The following CATSPERE variants were observed in gnomAD, a reference collection of about 807,000 sequenced individuals.
The protein encoded by CATSPERE is catsper channel auxiliary subunit epsilon.
A neutral mutation model predicts 114.1 loss-of-function variants in CATSPERE; 93 were observed. That is an observed-to-expected ratio of 0.81 (90% CI 0.69 to 0.97). CATSPERE has a LOEUF of 0.97. Among genes scored for constraint, CATSPERE ranks in the 50% least tolerant of loss-of-function variants. The pLI is 0.00. For synonymous variants in CATSPERE, 341 were observed against 384.1 expected, an observed-to-expected ratio of 0.89 and a Z score of 1.31; for missense variants, 1,058 against 1,131.6, an observed-to-expected ratio of 0.93 and a Z score of 0.93.
At chr1:244,534,629 T>G (rs1224897841) in intron 8 of CATSPERE, among the ~76,000 whole-genome samples, 1 of 2,200 alleles carries the variant, frequency 4.5e-4, no homozygotes, top group Non-Finnish European at 0.014. Flanking sequence ...TACTTCAATC[T>G]CTTTTTTTAA....
chr1:244,572,549 C>T lies in CATSPERE; in HGVS notation c.1727C>T (p.Ala576Val), dbSNP rs1664619194. ...TTACATCTGGAAGCACAAAGTATAG[C>T]TTTCACAACAAAAGACAAATGCCCA... ...YPLHLEAQSI[A>V]FTTKDKCPYM... Residue 576 changes from alanine (A) to valine (V), a missense_variant, in exon 11 of 22, where the codon GCT becomes GTT. Ala to Val is a moderately conservative substitution (Grantham distance 64, BLOSUM62 0). Transcript: ENST00000366534. 21 of 1,614,020 alleles carry T rather than the reference C, an allele frequency of 1.3e-5. No homozygotes were observed. Among genetic ancestry groups the T allele is most frequent in the Non-Finnish European group, 1.8e-5 (21 of 1,179,894 alleles).
intron 17 of CATSPERE, among the ~76,000 whole-genome samples, chr1:244,600,994 A>G (rs553400975): frequency 2.6e-5 from 4 of 152,384 alleles, no homozygotes; most frequent in African/African-American, 9.6e-5. Flanking sequence ...CAATCTGAAT[A>G]ATATAGAAAA....
chr1:244,528,041 G>T (rs1409175005), intron 8 of CATSPERE, among the ~76,000 whole-genome samples: 1 of 152,198 alleles, frequency 6.6e-6, no homozygotes, highest in Non-Finnish European at 1.5e-5. Flanking sequence ...TTGCTGCACA[G>T]ATCATCCCAT....
At chr1:244,564,829 T>C (rs764369584) in intron 10 of CATSPERE, among the ~76,000 whole-genome samples, 1 of 152,242 alleles carries the variant, frequency 6.6e-6, no homozygotes, top group Non-Finnish European at 1.5e-5. Context: ...TTGTGCCAGT[T>C]TTCAGAGGGA....
intron 13 of CATSPERE, 53 bp downstream of exon 13, chr1:244,583,992 G>A (rs6429489): frequency 0.13 from 192,796 of 1,482,360 alleles, 17,764 homozygotes; most frequent in African/African-American, 0.37. Context: ...ATGTATAGGC[G>A]GTCAACCAAA....
chr1:244,567,398 G>T (rs899649759), intron 10 of CATSPERE, among the ~76,000 whole-genome samples: 1 of 152,138 alleles, frequency 6.6e-6, no homozygotes, highest in African/African-American at 2.4e-5. Flanking sequence ...GGCCTGTCTT[G>T]TTAGGTTGGG....
chr1:244,606,901 A>G (rs1457483311), intron 18 of CATSPERE, among the ~76,000 whole-genome samples: 4 of 151,826 alleles, frequency 2.6e-5, no homozygotes, highest in Non-Finnish European at 5.9e-5. Context: ...CGTGACTGGC[A>G]ATTGTCTTTC....
chr1:244,630,987 T>C (rs370347251), intron 20 of CATSPERE, among the ~76,000 whole-genome samples: 1 of 152,320 alleles, frequency 6.6e-6, no homozygotes, highest in East Asian at 1.9e-4. Context: ...CTTAGGGTAT[T>C]GCTTATATAA....
At chr1:244,534,458 CT>C (rs1188912692) in intron 8 of CATSPERE, among the ~76,000 whole-genome samples, 95 of 152,072 alleles carry the variant, frequency 6.2e-4, no homozygotes, top group African/African-American at 2.2e-3. Context: ...CTTTTCTATT[CT>C]TTTTTCTATT....
At chr1:244,536,609 C>G (rs1680425581) in intron 8 of CATSPERE, among the ~76,000 whole-genome samples, 1 of 152,210 alleles carries the variant, frequency 6.6e-6, no homozygotes, top group African/African-American at 2.4e-5. Flanking sequence ...GATTCGTTGT[C>G]TGCACTATGC....
In CATSPERE at chr1:244,492,109, C is replaced by T. The variant is rs1433156451; in HGVS notation, c.351+1638C>T. On this transcript the variant is annotated intron_variant, in intron 6 of 21. Coordinates refer to ENST00000366534, the MANE Select transcript of CATSPERE (RefSeq NM_001130957.2). ...ACTCATTTTATGAGGCCAGCATCAT[C>T]CTGATACCAAAGCCTGGCAGAGACA... 8.1e-4 allele frequency among the ~76,000 whole-genome samples: 121 copies of T among 149,324 alleles called. 1 individual carries two copies. The highest frequency in any genetic ancestry group is 6.6e-3 in the Admixed American group (99 of 14,904).
intron 8 of CATSPERE, among the ~76,000 whole-genome samples, chr1:244,537,380 T>G (rs771495845): frequency 2.0e-5 from 3 of 152,226 alleles, no homozygotes; most frequent in Non-Finnish European, 4.4e-5. Context: ...TCTCATTTAG[T>G]CATGGTGTGC....
At chr1:244,525,245 A>T (rs1250650757) in intron 8 of CATSPERE, among the ~76,000 whole-genome samples, 1 of 149,858 alleles carries the variant, frequency 6.7e-6, no homozygotes, top group Non-Finnish European at 1.5e-5. Flanking sequence ...AAGAACAAAA[A>T]ACCAAACACT....
chr1:244,491,670 A>C (rs1246584091), intron 6 of CATSPERE, among the ~76,000 whole-genome samples: 1 of 152,182 alleles, frequency 6.6e-6, no homozygotes, highest in African/African-American at 2.4e-5. Context: ...TTTTTTGAAA[A>C]GACCAACAAA....
At chr1:244,560,461 A>G (rs552513030) in intron 9 of CATSPERE, among the ~76,000 whole-genome samples, 1 of 152,232 alleles carries the variant, frequency 6.6e-6, no homozygotes, top group Non-Finnish European at 1.5e-5. Context: ...CATTGGGTAC[A>G]GTGTACACTG....
At chr1:244,557,582 TAAA>T (rs1322096175) in intron 9 of CATSPERE, among the ~76,000 whole-genome samples, 1 of 108,112 alleles carries the variant, frequency 9.2e-6, no homozygotes, top group Non-Finnish European at 1.9e-5. Context: ...TATATATATA[TAAA>T]ATCTCCCAGG....
At chr1:244,630,550 A>G (rs756768610) in intron 20 of CATSPERE, among the ~76,000 whole-genome samples, 2 of 152,188 alleles carry the variant, frequency 1.3e-5, no homozygotes, top group African/African-American at 4.8e-5. Flanking sequence ...ATATTCTATC[A>G]GTCCCCAAAA....
Position 244,588,539 on chromosome 1 carries a change from G to A in CATSPERE, c.2138+5G>A, listed in dbSNP as rs372059034. ...AAAATTCATTGCAATTAAAGGGTAA[G>A]TATATTTCCATTTGACCTGTGTTAC... On this transcript the variant is annotated splice_donor_5th_base_variant and intron_variant, in intron 14 of 21. Transcript: ENST00000366534. 18 of 1,598,132 alleles carry A rather than the reference G, an allele frequency of 1.1e-5. No individual in the cohort carries two copies. The highest frequency in any genetic ancestry group is 1.7e-4 in the Middle Eastern group (1 of 6,058).
At chr1:244,610,691 C>T (rs937630920) in intron 19 of CATSPERE, 5 of 225,450 alleles carry the variant, frequency 2.2e-5, no homozygotes, top group Admixed American at 5.3e-5. Flanking sequence ...CTTCCCTGGC[C>T]ACCATATGGA....
Sources: allele counts gnomAD v4.1 joint callset (sites outside exome capture counted in the v4.1 genomes callset), GRCh38; gene constraint gnomAD v4.1.1; transcripts MANE v1.5; gene names NCBI Gene and HGNC (gene_info 2026-07-23, HGNC 2026-07-21).